The following GSDMA variants were observed in gnomAD, a reference collection of about 807,000 sequenced individuals.
GSDMA encodes gasdermin-A.
In GSDMA, 55 loss-of-function variants were observed where a neutral mutation model predicts 54.3. That is an observed-to-expected ratio of 1.01 (90% CI 0.82 to 1.27). GSDMA has a LOEUF of 1.27. Ranked by LOEUF, GSDMA falls within the 50% of genes most tolerant of loss-of-function variation. GSDMA has a pLI of 0.00. For missense variants in GSDMA, 542 were observed against 542.6 expected (o/e 1.00, Z 0.01); for synonymous variants, 211 against 224.7 (o/e 0.94, Z 0.54).
intron 11 of GSDMA, among the ~76,000 whole-genome samples, chr17:39,976,381 C>T (rs565373954): frequency 4.0e-5 from 6 of 151,572 alleles, no homozygotes; most frequent in African/African-American, 1.5e-4. Context: ...CGGGTTCAAG[C>T]GATTCTCCTG....
rs1233144132 is a variant in GSDMA at position 39,976,017 on chromosome 17, T to C, written c.1095+20T>C. ...AAGCTGGTGAGGGAAAAACAGCAGA[T>C]GCTGGGGAGAGTCTGGGAGTAGCTG... is the stretch of plus-strand genomic sequence containing the variant. On this transcript the variant is annotated intron_variant, in intron 11 of 11. Transcript: ENST00000301659. 4 of 1,560,490 alleles carry C rather than the reference T, an allele frequency of 2.6e-6. No individual in the cohort carries two copies. Among genetic ancestry groups the C allele is most frequent in the Non-Finnish European group, 3.5e-6 (4 of 1,147,550 alleles).
At position 39,976,855 on chromosome 17, in the gene GSDMA, G is replaced by C. The variant is rs759064927; in HGVS notation, c.1135G>C (p.Glu379Gln). ...TMEQNFLLDK[E>Q]GVFPLQPELL... is the part of the protein sequence containing the mutation. ...GGAACAGAACTTCCTGCTGGATAAA[G>C]AGGGTGTTTTCCCCCTGCAACCTGA... Residue 379 changes from glutamate (E) to glutamine (Q), a missense_variant, in exon 12 of 12, where the codon GAG (glutamate) becomes CAG (glutamine). Physicochemically the swap from Glu to Gln is conservative, Grantham distance 29 (BLOSUM62 2). Coordinates refer to ENST00000301659, the MANE Select transcript of GSDMA (RefSeq NM_178171.5). The C allele has an allele frequency of 3.1e-6, 5 of 1,613,878 alleles. No individual in the cohort carries two copies. Among genetic ancestry groups the C allele is most frequent in the Non-Finnish European group, 4.2e-6 (5 of 1,179,898 alleles).
At chr17:39,965,588 G>A in intron 1 of GSDMA, 95 bp from the exon 2 acceptor site, 1 of 858,968 alleles carries the variant, frequency 1.2e-6, no homozygotes, top group Non-Finnish European at 1.9e-6. Flanking sequence ...CTCAGAGCCG[G>A]GTAAACTCTC....
At chr17:39,965,964 T>C in intron 2 of GSDMA, 63 bp downstream of exon 2, 1 of 1,444,040 alleles carries the variant, frequency 6.9e-7, no homozygotes, top group Non-Finnish European at 9.4e-7. Context: ...GCACCTGGCC[T>C]GCAAGGAGGA....
chr17:39,976,564 C>T (rs1057453356), intron 11 of GSDMA, among the ~76,000 whole-genome samples: 20 of 152,302 alleles, frequency 1.3e-4, no homozygotes, highest in African/African-American at 4.3e-4. Context: ...AGGTGTGAGC[C>T]ACCTCGCCTG....
chr17:39,972,981 T>A (rs191900037), intron 7 of GSDMA, among the ~76,000 whole-genome samples: 4,182 of 151,284 alleles, frequency 0.028, 199 homozygotes, highest in African/African-American at 0.095. Context: ...AAAAAAAAAA[T>A]TTTTTTTTGG....
In GSDMA at chr17:39,977,114, T is replaced by C; in HGVS notation, c.*56T>C. 6.3e-7 allele frequency: 1 copy of C among 1,595,422 alleles called. No homozygotes were observed. Among genetic ancestry groups the C allele is most frequent in the Non-Finnish European group, 8.6e-7 (1 of 1,167,888 alleles). On this transcript the variant is annotated 3_prime_UTR_variant, in exon 12 of 12. Coordinates refer to ENST00000301659, the MANE Select transcript of GSDMA (RefSeq NM_178171.5). ...TAATGCCTTCCCAACCTCGTGGTGC[T>C]GTGTCCTTACCACCTAAGGGCATTT...
At chr17:39,971,825 G>A (rs1244797406) in intron 5 of GSDMA, among the ~76,000 whole-genome samples, 2 of 152,214 alleles carry the variant, frequency 1.3e-5, no homozygotes, top group Non-Finnish European at 2.9e-5. Flanking sequence ...GCTGGGCACT[G>A]TGGTTATTGG....
intron 3 of GSDMA, 39 bp from the exon 4 acceptor site, chr17:39,970,443 G>T: frequency 6.7e-7 from 1 of 1,499,274 alleles, no homozygotes; most frequent in South Asian, 1.3e-5. Flanking sequence ...CAGGCAGGAA[G>T]GAGCTCTGAA....
At chr17:39,970,340 C>A in intron 3 of GSDMA, 142 bp from the exon 4 acceptor site, 1 of 658,418 alleles carries the variant, frequency 1.5e-6, no homozygotes, top group Non-Finnish European at 2.3e-6. Context: ...ATCTGGGTTT[C>A]AACCTCAGCC....
At chr17:39,970,768 G>A (rs1442878020) in intron 4 of GSDMA, 121 bp downstream of exon 4, 12 of 911,788 alleles carry the variant, frequency 1.3e-5, no homozygotes, top group African/African-American at 6.9e-5. Context: ...AGCGCCCACC[G>A]AGGATGCTGA....
chr17:39,970,594 G>A lies in GSDMA; in HGVS notation c.505G>A (p.Gly169Ser), dbSNP rs199501072. The A allele has an allele frequency of 1.5e-4, 233 of 1,599,780 alleles. No individual in the cohort carries two copies. Among genetic ancestry groups the A allele is most frequent in the Non-Finnish European group, 1.9e-4 (222 of 1,173,016 alleles). ...TVQEVTLERAGKAEACFSLPF... is the reference protein window; with the variant it reads ...TVQEVTLERASKAEACFSLPF... ...GCAGGAGGTCACACTGGAGCGAGCC[G>A]GCAAGGCAGAGGCCTGCTTCTCCCT... The change falls in exon 4 of 12, where the codon GGC (glycine) becomes AGC (serine). Residue 169 changes from glycine to serine, a missense_variant. Physicochemically the swap from Gly to Ser is moderately conservative, Grantham distance 56. Transcript: ENST00000301659.
chr17:39,974,541 G>T, intron 9 of GSDMA, 114 bp downstream of exon 9: 1 of 1,194,008 alleles, frequency 8.4e-7, no homozygotes. Context: ...GAGGTGGGTG[G>T]CCAGGGGAGT....
rs1397437139 is a variant in GSDMA, at chr17:39,966,324, G to A, written c.279G>A (p.Val93=). Reference sequence around the variant, plus strand: ...TGGACACCCGAGTGGAGGGAGATGTGGATGTACCAAAGACGGTGAAGGTGA... The same window carrying A: ...TGGACACCCGAGTGGAGGGAGATGTAGATGTACCAAAGACGGTGAAGGTGA... ...NMLDTRVEGD[V]DVPKTVKVKG... The change falls in exon 3 of 12, where the codon GTG becomes GTA. Residue 93 remains valine, a synonymous_variant. Coordinates refer to ENST00000301659, the MANE Select transcript of GSDMA (RefSeq NM_178171.5). The A allele has an allele frequency of 6.2e-7, 1 of 1,613,822 alleles. No homozygotes were observed. Among genetic ancestry groups the A allele is most frequent in the African/African-American group, 1.3e-5 (1 of 74,896 alleles).
At chr17:39,975,151 T>A in intron 10 of GSDMA, 137 bp downstream of exon 10, 1 of 627,704 alleles carries the variant, frequency 1.6e-6, no homozygotes, top group Non-Finnish European at 2.8e-6. Context: ...TCTACATTTT[T>A]ATAAATTGGT....
chr17:39,975,942 A>G lies in GSDMA; in HGVS notation c.1040A>G (p.Gln347Arg). 1 of 1,600,246 alleles carries G rather than the reference A, an allele frequency of 6.2e-7. No homozygotes were observed. Among genetic ancestry groups the G allele is most frequent in the South Asian group, 1.1e-5 (1 of 88,204 alleles). The change falls in exon 11 of 12, where the codon CAG becomes CGG. Residue 347 changes from glutamine to arginine, a missense_variant. By Grantham distance (43) the Gln-to-Arg change is conservative. Coordinates refer to ENST00000301659, the MANE Select transcript of GSDMA (RefSeq NM_178171.5). ...GALTELSEAQ[Q>R]KLLVKSMEKK... ...TCTCCAGAGCTAAGTGAAGCCCAAC[A>G]GAAGCTGCTGGTGAAATCCATGGAG...
intron 2 of GSDMA, 40 bp downstream of exon 2, chr17:39,965,941 G>A (rs1172019943): frequency 1.3e-6 from 2 of 1,530,926 alleles, no homozygotes; most frequent in South Asian, 1.2e-5. Flanking sequence ...GGATACTGAG[G>A]GACAGGGGCT....
chr17:39,965,016 A>G (rs1020908825), intron 1 of GSDMA, among the ~76,000 whole-genome samples: 2 of 151,980 alleles, frequency 1.3e-5, no homozygotes, highest in Non-Finnish European at 2.9e-5. Flanking sequence ...GCTACTCAGG[A>G]GGCTGAAGTG....
At chr17:39,969,856 TC>T (rs1979848766) in intron 3 of GSDMA, among the ~76,000 whole-genome samples, 1 of 147,114 alleles carries the variant, frequency 6.8e-6, no homozygotes, top group Non-Finnish European at 1.5e-5. Context: ...AGACTCCGTC[TC>T]AAAAAAAAAA....
Sources: gnomAD v4.1 joint callset for allele counts (sites outside exome capture counted in the v4.1 genomes callset) on GRCh38, gnomAD v4.1.1 for gene constraint, MANE v1.5 for transcripts, NCBI Gene and HGNC (gene_info 2026-07-23, HGNC 2026-07-21) for gene names.